Variants in CYP4F12 observed in about 807,000 individuals in gnomAD.
CYP4F12 encodes cytochrome P450 family 4 subfamily F member 12.
Under a neutral mutation model 56.5 loss-of-function variants are expected in CYP4F12, and 60 were observed. The ratio of observed to expected loss-of-function variants is 1.06; its 90% CI spans 0.86 to 1.32. CYP4F12 has a LOEUF of 1.32. Ranked by LOEUF, CYP4F12 falls within the 40% of genes most tolerant of loss-of-function variation. The probability of loss-of-function intolerance (pLI) is 0.00; values close to 1 mark genes in which losing one functional copy is unlikely to be tolerated. For missense variants in CYP4F12, 711 were observed against 683.5 expected, an observed-to-expected ratio of 1.04 and a Z score of -0.45; for synonymous variants, 263 against 264.9, an observed-to-expected ratio of 0.99 and a Z score of 0.07.
At chr19:15,685,329 G>A (rs988329463) in intron 9 of CYP4F12, 132 bp downstream of exon 9, 2 of 1,394,824 alleles carry the variant, frequency 1.4e-6, no homozygotes. Flanking sequence ...AGGACCACAG[G>A]CAGGGCTTGA....
chr19:15,679,723 A>G (rs959522895), intron 3 of CYP4F12, among the ~76,000 whole-genome samples: 2 of 152,156 alleles, frequency 1.3e-5, no homozygotes, highest in Non-Finnish European at 2.9e-5. Flanking sequence ...CAGAGTTATT[A>G]TTTTAGTCTC....
intron 9 of CYP4F12, among the ~76,000 whole-genome samples, chr19:15,690,029 TA>T (rs1568423988): frequency 6.6e-6 from 1 of 152,078 alleles, no homozygotes; most frequent in African/African-American, 2.4e-5. Flanking sequence ...ATGGGTGCAC[TA>T]AAACCTCAGA....
chr19:15,681,560 A>G (rs2007300818), intron 5 of CYP4F12: 5 of 152,214 alleles, frequency 3.3e-5, no homozygotes, highest in Admixed American at 3.3e-4. Flanking sequence ...GGGCCTCTAC[A>G]TTAGCCTGCT....
chr19:15,680,850 C>A (rs1305995400), intron 5 of CYP4F12: 2 of 368,110 alleles, frequency 5.4e-6, no homozygotes, highest in Admixed American at 3.9e-5. Flanking sequence ...TAAGGGTTTA[C>A]AATTGCTAAC....
chr19:15,678,376 A>G lies in CYP4F12; in HGVS notation c.314A>G (p.Asp105Gly). The change falls in exon 3 of 13, where the codon GAC (aspartate) becomes GGC (glycine). Residue 105 changes from aspartate to glycine, a missense_variant. Transcript: ENST00000550308. ...IIPFIVLCHP[D>G]TIRSITNASA... ...CCCTTCATCGTTTTATGCCACCCTGACACCATCCGGTCTATCACCAATGCC... is the reference window on the plus strand; with the variant it reads ...CCCTTCATCGTTTTATGCCACCCTGGCACCATCCGGTCTATCACCAATGCC... The G allele has an allele frequency of 6.2e-7, 1 of 1,614,120 alleles. No individual in the cohort carries two copies. Among genetic ancestry groups the G allele is most frequent in the Non-Finnish European group, 8.5e-7 (1 of 1,180,004 alleles).
intron 7 of CYP4F12, 185 bp from the exon 8 acceptor site, chr19:15,684,631 A>G: frequency 1.8e-6 from 1 of 562,514 alleles, no homozygotes; most frequent in Non-Finnish European, 3.1e-6. Flanking sequence ...AAGCCCTTGG[A>G]GTTGGGGCTT....
rs1568427220 is a variant in CYP4F12 at position 15,695,996 on chromosome 19, T to A, written c.1176T>A (p.His392Gln). 6.2e-7 allele frequency: 1 copy of A among 1,613,830 alleles called. No homozygotes were observed. ...TMCVKESLRL[H>Q]PPAPFISRCC... ...GCGTGAAGGAGAGCCTGAGGTTACA[T>A]CCCCCAGCTCCCTTCATCTCCCGAT... The change falls in exon 10 of 13, where the codon CAT becomes CAA. Residue 392 changes from histidine to glutamine, a missense_variant. His to Gln is a conservative substitution (Grantham distance 24). Coordinates refer to ENST00000550308, the MANE Select transcript of CYP4F12 (RefSeq NM_023944.4).
intron 2 of CYP4F12, among the ~76,000 whole-genome samples, chr19:15,675,976 T>C (rs769330613): frequency 1.1e-4 from 16 of 152,268 alleles, no homozygotes; most frequent in Admixed American, 1.3e-4. Context: ...AGTCCCATGA[T>C]ATATCATCTG....
At chr19:15,682,305 G>A in intron 5 of CYP4F12, 84 bp from the exon 6 acceptor site, 2 of 1,559,466 alleles carry the variant, frequency 1.3e-6, no homozygotes, top group Middle Eastern at 1.7e-4. Context: ...CTGGTTGTGG[G>A]GGAGTCCATC....
rs1196079972 is a variant in CYP4F12 at position 15,675,699 on chromosome 19, A to G, written c.198+1972A>G. On this transcript the variant is annotated intron_variant, in intron 2 of 12. Transcript: ENST00000550308. ...ACAGCTCCAAGAGAGAAGGAGCAGAAGTCAGCAGAAACCCACTGCAGCTGC... is the reference window on the plus strand; with the variant it reads ...ACAGCTCCAAGAGAGAAGGAGCAGAGGTCAGCAGAAACCCACTGCAGCTGC... Among the ~76,000 whole-genome samples, 46 of 152,174 alleles carry G rather than the reference A, an allele frequency of 3.0e-4. 1 individual carries two copies. Among genetic ancestry groups the G allele is most frequent in the Non-Finnish European group, 1.5e-5 (1 of 68,026 alleles).
chr19:15,673,686 C>T lies in CYP4F12; in HGVS notation c.157C>T (p.Gln53Ter). Residue 53 changes from glutamine to a stop codon, truncating the protein, a stop_gained, in exon 2 of 13, where the codon CAG becomes TAG. Transcript: ENST00000550308. LOFTEE classifies it high-confidence loss of function. ...NNCRRLQCFP[Q>*]PPKRNWFWGH... ...CTGCCGCCGGCTCCAGTGTTTCCCACAGCCCCCAAAACGGAACTGGTTTTG... is the reference window on the plus strand; with the variant it reads ...CTGCCGCCGGCTCCAGTGTTTCCCATAGCCCCCAAAACGGAACTGGTTTTG... 1.2e-6 allele frequency: 2 copies of T among 1,614,140 alleles called. No individual in the cohort carries two copies. Among genetic ancestry groups the T allele is most frequent in the South Asian group, 2.2e-5 (2 of 91,078 alleles).
At position 15,680,082 on chromosome 19, in the gene CYP4F12, G is replaced by A. The variant is rs907910691; in HGVS notation, c.344-162G>A. On this transcript the variant is annotated intron_variant, in intron 3 of 12. Transcript: ENST00000550308. ...GCTTTACTGTGCTGTTGCAGCCTGG[G>A]CTGGTCCTTCTTCCTCTATCCTCCC... Among the ~76,000 whole-genome samples, 6 of 152,324 alleles carry A rather than the reference G, an allele frequency of 3.9e-5. No individual in the cohort carries two copies. The East Asian group carries it at 1.2e-3, about 29-fold the overall frequency.
rs998249113 is a variant in CYP4F12, at chr19:15,680,470, T to A, written c.476T>A (p.Ile159Asn). 17 of 1,614,034 alleles carry A rather than the reference T, an allele frequency of 1.1e-5. No individual in the cohort carries two copies. Among genetic ancestry groups the A allele is most frequent in the Non-Finnish European group, 1.4e-5 (16 of 1,180,030 alleles). The change falls in exon 5 of 13, where the codon ATC (isoleucine) becomes AAC (asparagine). Residue 159 changes from isoleucine to asparagine, a missense_variant. Physicochemically the swap from Ile to Asn is moderately radical, Grantham distance 149 (BLOSUM62 -3). Transcript: ENST00000550308. ...CTGACGCCCGCCTTCCATTTCAACA[T>A]CCTGAAGTCCTATATAACGATCTTC... Reference protein sequence around the residue: ...RMLTPAFHFNILKSYITIFNK... With the variant: ...RMLTPAFHFNNLKSYITIFNK...
intron 9 of CYP4F12, among the ~76,000 whole-genome samples, 180 bp from the exon 10 acceptor site, chr19:15,695,756 C>T (rs1436135224): frequency 6.6e-6 from 1 of 152,162 alleles, no homozygotes; most frequent in Non-Finnish European, 1.5e-5. Context: ...TAAATTTTCT[C>T]TGGTACTTTT....
chr19:15,681,899 A>G (rs1489499769), intron 5 of CYP4F12: 1 of 153,856 alleles, frequency 6.5e-6, no homozygotes, highest in South Asian at 2.0e-4. Flanking sequence ...CAATGCCAGG[A>G]TATAAGTTGT....
intron 2 of CYP4F12, among the ~76,000 whole-genome samples, chr19:15,677,513 C>T (rs1223852301): frequency 2.5e-5 from 2 of 80,760 alleles, no homozygotes; most frequent in African/African-American, 9.5e-5. Flanking sequence ...CATTCCTTTA[C>T]CCACTCACTC....
chr19:15,696,054 C>T lies in CYP4F12; in HGVS notation c.1234C>T (p.Arg412Ter), dbSNP rs376201019. The T allele has an allele frequency of 2.8e-5, 45 of 1,613,538 alleles. No individual in the cohort carries two copies. Among genetic ancestry groups the T allele is most frequent in the Non-Finnish European group, 3.3e-5 (39 of 1,179,776 alleles). Residue 412 changes from arginine to a stop codon, truncating the protein, a stop_gained, in exon 10 of 13, where the codon CGA (arginine) becomes TGA (stop). Coordinates refer to ENST00000550308, the MANE Select transcript of CYP4F12 (RefSeq NM_023944.4). LOFTEE classifies it high-confidence loss of function. ...CCAGGACATTGTTCTCCCAGATGGC[C>T]GAGTCATCCCCAAAGGTGCCCACAG... ...CTQDIVLPDGRVIPKGITCLI... is the reference protein window; with the variant it reads ...CTQDIVLPDG
intron 2 of CYP4F12, among the ~76,000 whole-genome samples, chr19:15,676,918 T>C (rs62647681): frequency 0.08 from 249 of 3,106 alleles, 4 homozygotes; most frequent in Middle Eastern, 0.25. Flanking sequence ...TCTCCTCACT[T>C]ACTCATTCCT....
At chr19:15,692,393 A>G (rs1255639521) in intron 9 of CYP4F12, among the ~76,000 whole-genome samples, 1 of 152,170 alleles carries the variant, frequency 6.6e-6, no homozygotes, top group African/African-American at 2.4e-5. Context: ...CAGGTATTTT[A>G]TATTATTATG....
Sources: gnomAD v4.1 joint callset for allele counts (sites outside exome capture counted in the v4.1 genomes callset) on GRCh38, gnomAD v4.1.1 for gene constraint, MANE v1.5 for transcripts, NCBI Gene and HGNC (gene_info 2026-07-23, HGNC 2026-07-21) for gene names.